NBDY: variants seen among roughly 807,000 people sequenced by gnomAD.
NBDY encodes negative regulator of P-body association, also known as P-body dissociating protein.
intron 2 of NBDY, among the ~76,000 whole-genome samples, chrX:56,815,208 C>A (rs2069905403): frequency 9.0e-6 from 1 of 110,976 alleles, no homozygotes; most frequent in African/African-American, 3.3e-5. Flanking sequence ...AATTTTAAAC[C>A]AAAATACAGT....
chrX:56,794,186 C>A (rs181060088), intron 2 of NBDY, among the ~76,000 whole-genome samples: 58 of 111,675 alleles, frequency 5.2e-4, no homozygotes, highest in Non-Finnish European at 1.1e-4. Flanking sequence ...AAACCCTGGT[C>A]GGGGAAACCC....
intron 2 of NBDY, among the ~76,000 whole-genome samples, chrX:56,803,089 T>C (rs184637895): frequency 7.2e-5 from 8 of 111,481 alleles, no homozygotes; most frequent in African/African-American, 2.0e-4. Flanking sequence ...TGGGCATGAG[T>C]GCTGGAGAAA....
intron 2 of NBDY, among the ~76,000 whole-genome samples, chrX:56,761,063 G>A (rs181498747): frequency 1.8e-5 from 2 of 112,508 alleles, no homozygotes; most frequent in African/African-American, 6.5e-5. Flanking sequence ...AAGAATGCAG[G>A]AAGATCTGGA....
At chrX:56,749,512 G>A (rs1468244149) in intron 2 of NBDY, among the ~76,000 whole-genome samples, 2 of 111,277 alleles carry the variant, frequency 1.8e-5, no homozygotes, top group Admixed American at 9.5e-5. Context: ...CTACAAAAAC[G>A]CTGCTCTTGG....
intron 2 of NBDY, among the ~76,000 whole-genome samples, chrX:56,781,413 T>A (rs1461374254): frequency 6.3e-5 from 7 of 111,944 alleles, no homozygotes; most frequent in Non-Finnish European, 9.4e-5. Context: ...GGCAGTCTCC[T>A]GGCCCAACAG....
At chrX:56,752,364 G>C (rs775320860) in intron 2 of NBDY, among the ~76,000 whole-genome samples, 1 of 111,440 alleles carries the variant, frequency 9.0e-6, no homozygotes, top group African/African-American at 3.3e-5. Flanking sequence ...CTCACCAGTA[G>C]CTATTGTTTT....
At chrX:56,793,843 G>A (rs1192092425) in intron 2 of NBDY, among the ~76,000 whole-genome samples, 1 of 111,223 alleles carries the variant, frequency 9.0e-6, no homozygotes, top group East Asian at 2.8e-4. Context: ...GGCTTCCCCT[G>A]GCAGTCTCCA....
chrX:56,801,345 C>A (rs200221104), intron 2 of NBDY, among the ~76,000 whole-genome samples: 1 of 109,160 alleles, frequency 9.2e-6, no homozygotes, highest in Non-Finnish European at 1.9e-5. Context: ...TTTTCTTTTT[C>A]TTCTACTCCT....
At chrX:56,798,967 G>A (rs759037254) in intron 2 of NBDY, among the ~76,000 whole-genome samples, 2 of 112,166 alleles carry the variant, frequency 1.8e-5, no homozygotes, top group Non-Finnish European at 3.8e-5. Context: ...TGTACTTGGC[G>A]TTTGTGGAGC....
At chrX:56,791,925 C>G (rs1293185215) in intron 2 of NBDY, among the ~76,000 whole-genome samples, 1 of 109,874 alleles carries the variant, frequency 9.1e-6, no homozygotes, top group Non-Finnish European at 1.9e-5. Flanking sequence ...TCCTCTTCCT[C>G]TTCCTTTCTT....
In NBDY at chrX:56,743,081, A is replaced by G. The variant is rs1259670347; in HGVS notation, c.*166+10882A>G. 2.7e-5 allele frequency among the ~76,000 whole-genome samples: 3 copies of G among 111,648 alleles called. No individual in the cohort carries two copies. In the East Asian group the frequency reaches 8.5e-4, roughly 31 times the overall value. ...TTTTTCAGCATCAAGTGAAATGACC[A>G]TATGGTTTTTGTCCTCCATTGTGTT... On this transcript the variant is annotated intron_variant, in intron 2 of 2. Transcript: ENST00000374922.
intron 2 of NBDY, among the ~76,000 whole-genome samples, chrX:56,791,772 CCTA>C (rs748675952): frequency 3.5e-3 from 387 of 110,972 alleles, no homozygotes; most frequent in African/African-American, 0.012. Context: ...TCTTCCTCCT[CCTA>C]CTTTTTTTCT....
intron 2 of NBDY, among the ~76,000 whole-genome samples, chrX:56,753,079 A>G (rs1444349710): frequency 8.9e-6 from 1 of 112,662 alleles, no homozygotes; most frequent in African/African-American, 3.2e-5. Flanking sequence ...CCAAGAAAGA[A>G]AGGGTGTTAA....
intron 2 of NBDY, among the ~76,000 whole-genome samples, chrX:56,799,006 T>G (rs1386608751): frequency 8.9e-6 from 1 of 112,483 alleles, no homozygotes; most frequent in Admixed American, 9.3e-5. Flanking sequence ...AAATTGTTTC[T>G]GGAAATGGGA....
At chrX:56,788,425 C>T (rs914220013) in intron 2 of NBDY, among the ~76,000 whole-genome samples, 1 of 112,503 alleles carries the variant, frequency 8.9e-6, no homozygotes, top group African/African-American at 3.2e-5. Flanking sequence ...TGGCATGGGG[C>T]CCCCAGACTG....
intron 2 of NBDY, among the ~76,000 whole-genome samples, chrX:56,761,572 GCTGTCATC>G (rs2069637169): frequency 8.8e-6 from 1 of 113,216 alleles, no homozygotes; most frequent in Admixed American, 9.2e-5. Flanking sequence ...ATTCTTGTTC[GCTGTCATC>G]CTCATTGCTC....
chrX:56,746,702 G>C (rs2069559849), intron 2 of NBDY, among the ~76,000 whole-genome samples: 1 of 110,287 alleles, frequency 9.1e-6, no homozygotes, highest in Non-Finnish European at 1.9e-5. Context: ...TAGATCTGTA[G>C]ATCTGAGATC....
chrX:56,730,625 G>T (rs762246400), intron 1 of NBDY, among the ~76,000 whole-genome samples: 8 of 104,162 alleles, frequency 7.7e-5, no homozygotes, highest in African/African-American at 2.8e-4. Flanking sequence ...TTTTCAGGCC[G>T]AGGGTTTCCA....
At chrX:56,731,512 A>G (rs1028489252) in intron 1 of NBDY, among the ~76,000 whole-genome samples, 1 of 110,270 alleles carries the variant, frequency 9.1e-6, no homozygotes, top group African/African-American at 3.3e-5. Context: ...CAGAGATTGC[A>G]GTGAGCCGAG....
Sources: allele counts gnomAD v4.1 joint callset (sites outside exome capture counted in the v4.1 genomes callset), GRCh38; gene constraint gnomAD v4.1.1; transcripts MANE v1.5; gene names NCBI Gene and HGNC (gene_info 2026-07-23, HGNC 2026-07-21).